Variants in PPIL4 observed in about 807,000 individuals in gnomAD.
The protein encoded by PPIL4 is peptidylprolyl isomerase like 4.
Under a neutral mutation model 69.1 loss-of-function variants are expected in PPIL4, and 50 were observed. The observed-to-expected ratio is 0.72, with a 90% confidence interval of 0.58 to 0.92. The LOEUF is 0.92. PPIL4 is among the 40% of genes least tolerant of loss of function. PPIL4 has a pLI of 0.00. For missense variants in PPIL4, 480 were observed against 587.9 expected, an observed-to-expected ratio of 0.82 and a Z score of 1.90; for synonymous variants, 193 against 191.6, an observed-to-expected ratio of 1.01 and a Z score of -0.06.
chr6:149,529,512 C>T (rs1043501470), intron 7 of PPIL4, among the ~76,000 whole-genome samples: 9 of 151,654 alleles, frequency 5.9e-5, no homozygotes, highest in Admixed American at 5.3e-4. Flanking sequence ...GCTGTAATCC[C>T]AGCACTTTGG....
intron 9 of PPIL4, among the ~76,000 whole-genome samples, chr6:149,522,738 G>A (rs1299572904): frequency 2.6e-5 from 4 of 151,926 alleles, no homozygotes; most frequent in Admixed American, 6.6e-5. Context: ...TCAGTCTCCC[G>A]AGTAGTTGGG....
At chr6:149,515,173 G>A (rs528933637) in intron 11 of PPIL4, among the ~76,000 whole-genome samples, 6 of 149,500 alleles carry the variant, frequency 4.0e-5, no homozygotes, top group African/African-American at 1.5e-4. Flanking sequence ...AAAAAATGGA[G>A]ACCGGGTCTC....
intron 7 of PPIL4, among the ~76,000 whole-genome samples, chr6:149,530,957 G>A (rs187561384): frequency 1.1e-4 from 16 of 152,228 alleles, no homozygotes; most frequent in Middle Eastern, 3.4e-3. Context: ...AATGAATATC[G>A]TACACCTCCA....
At chr6:149,527,324 C>T (rs1777123078) in intron 7 of PPIL4, among the ~76,000 whole-genome samples, 1 of 152,152 alleles carries the variant, frequency 6.6e-6, no homozygotes, top group South Asian at 2.1e-4. Flanking sequence ...TTCACCCCAG[C>T]CTGGGCGACA....
chr6:149,541,146 C>A, intron 3 of PPIL4, 87 bp from the exon 4 acceptor site: 1 of 692,292 alleles, frequency 1.4e-6, no homozygotes, highest in Non-Finnish European at 2.3e-6. Flanking sequence ...TCAATTATTT[C>A]TTTACAGAAA....
chr6:149,544,752 G>A (rs941195397), intron 1 of PPIL4, among the ~76,000 whole-genome samples: 2 of 152,184 alleles, frequency 1.3e-5, no homozygotes, highest in South Asian at 2.1e-4. Context: ...CAAAAGAATG[G>A]TAACAATGGT....
chr6:149,535,229 G>A (rs568509824), intron 5 of PPIL4, among the ~76,000 whole-genome samples: 15 of 152,120 alleles, frequency 9.9e-5, no homozygotes, highest in East Asian at 3.9e-4. Context: ...GGTGGCGGGC[G>A]CCTGTAGTCC....
intron 7 of PPIL4, among the ~76,000 whole-genome samples, chr6:149,529,848 C>G (rs1248321971): frequency 2.0e-5 from 3 of 150,968 alleles, no homozygotes; most frequent in Non-Finnish European, 2.9e-5. Context: ...AAAAAAGGCA[C>G]AGTGGAACCT....
chr6:149,527,866 C>CA (rs1274862389), intron 7 of PPIL4, among the ~76,000 whole-genome samples: 1 of 152,124 alleles, frequency 6.6e-6, no homozygotes, highest in Non-Finnish European at 1.5e-5. Context: ...CCCTTCCCCC[C>CA]AAAATCTTGA....
rs1306215501 is a variant in PPIL4 at position 149,505,526 on chromosome 6, T to C, written c.1406A>G (p.Glu469Gly). 6.2e-7 allele frequency: 1 copy of C among 1,614,078 alleles called. No homozygotes were observed. Among genetic ancestry groups the C allele is most frequent in the South Asian group, 1.1e-5 (1 of 91,082 alleles). ...SKYQTDLYER[E>G]RSKKRDRSRS... ...GCTTCGGTCTCTCTTTTTACTCCTT[T>C]CTCTTTCATAAAGATCTGTTTGGTA... Residue 469 changes from glutamate (E) to glycine (G), a missense_variant, in exon 13 of 13, where the codon GAA becomes GGA. By Grantham distance (98) the Glu-to-Gly change is moderately conservative. Coordinates refer to ENST00000253329, the MANE Select transcript of PPIL4 (RefSeq NM_139126.4).
chr6:149,511,667 AT>A (rs939385520), intron 12 of PPIL4, among the ~76,000 whole-genome samples: 1 of 151,986 alleles, frequency 6.6e-6, no homozygotes, highest in Non-Finnish European at 1.5e-5. Flanking sequence ...AATTTTTATT[AT>A]TTTTTTTAAA....
At chr6:149,536,523 T>C (rs1056236885) in intron 4 of PPIL4, among the ~76,000 whole-genome samples, 4 of 152,128 alleles carry the variant, frequency 2.6e-5, no homozygotes, top group African/African-American at 7.2e-5. Context: ...GAAACAGGCT[T>C]ACTGCTGATA....
At chr6:149,526,578 A>G (rs975844483) in intron 8 of PPIL4, 74 bp downstream of exon 8, 74 of 1,413,298 alleles carry the variant, frequency 5.2e-5, no homozygotes, top group Non-Finnish European at 9.8e-6. Context: ...AGAATCATCA[A>G]AATATGTCAT....
At position 149,512,278 on chromosome 6, in the gene PPIL4, A is replaced by G. The variant is rs1467860248; in HGVS notation, c.1104T>C (p.Asp368=). ...TTGATTTTGAGTCTTCGGCCTGCTC[A>G]TCTAATATAAGATCGTATTTTGTAC... ...KQDTKYDLIL[D]EQAEDSKSSH... Residue 368 remains aspartate (D), a synonymous_variant, in exon 12 of 13, where the codon GAT becomes GAC. Transcript: ENST00000253329. 1.2e-6 allele frequency: 2 copies of G among 1,612,698 alleles called. No homozygotes were observed. Among genetic ancestry groups the G allele is most frequent in the African/African-American group, 1.3e-5 (1 of 74,862 alleles).
intron 7 of PPIL4, among the ~76,000 whole-genome samples, chr6:149,529,533 C>A (rs1000287239): frequency 6.6e-6 from 1 of 151,784 alleles, no homozygotes; most frequent in African/African-American, 2.4e-5. Context: ...GAGGCTGAGG[C>A]GCGCAGATCA....
At chr6:149,513,919 T>C (rs1469187169) in intron 11 of PPIL4, among the ~76,000 whole-genome samples, 1 of 152,154 alleles carries the variant, frequency 6.6e-6, no homozygotes, top group Admixed American at 6.5e-5. Context: ...AAGACTGACA[T>C]GGGCTGGAAT....
intron 11 of PPIL4, among the ~76,000 whole-genome samples, chr6:149,516,614 A>C (rs1405977933): frequency 2.0e-5 from 3 of 152,208 alleles, no homozygotes; most frequent in Non-Finnish European, 4.4e-5. Context: ...AACCAATTTA[A>C]ATGTCATAAT....
rs571746443 is a variant in PPIL4 at position 149,525,123 on chromosome 6, A to T, written c.870+20T>A. ...ATAAAAGCAAATAAATACCAAACTT[A>T]TGTCTGTATTATGACATACCTTTTC... On this transcript the variant is annotated intron_variant, in intron 9 of 12. Coordinates refer to ENST00000253329, the MANE Select transcript of PPIL4 (RefSeq NM_139126.4). 14 of 1,279,530 alleles carry T rather than the reference A, an allele frequency of 1.1e-5. No individual in the cohort carries two copies. The highest frequency in any genetic ancestry group is 7.2e-5 in the East Asian group (3 of 41,740). 79.3% of individuals were successfully genotyped at this position (1,279,530 alleles called of 1,614,324 possible).
chr6:149,542,499 A>T (rs1185070224), intron 1 of PPIL4, among the ~76,000 whole-genome samples: 1 of 152,236 alleles, frequency 6.6e-6, no homozygotes, highest in African/African-American at 2.4e-5. Context: ...CTCTTAAGGC[A>T]CTAAGTTAGA....
Sources: allele counts gnomAD v4.1 joint callset (sites outside exome capture counted in the v4.1 genomes callset), GRCh38; gene constraint gnomAD v4.1.1; transcripts MANE v1.5; gene names NCBI Gene and HGNC (gene_info 2026-07-23, HGNC 2026-07-21).